Variants in UNC5B observed in about 807,000 individuals in gnomAD.
The protein encoded by UNC5B is unc-5 netrin receptor B, also known as netrin receptor UNC5B.
In UNC5B, 56 loss-of-function variants were observed where a neutral mutation model predicts 103.7. The observed-to-expected ratio is 0.54, with a 90% CI of 0.44 to 0.67. The LOEUF (loss-of-function observed/expected upper bound fraction) is 0.67, where lower values mean the gene tolerates loss of function less well. UNC5B is among the 30% of genes least tolerant of loss of function. UNC5B has a pLI of 0.00. For synonymous variants in UNC5B, 577 were observed against 542.0 expected, an observed-to-expected ratio of 1.06 and a Z score of -0.90; for missense variants, 1,194 against 1,284.5, an observed-to-expected ratio of 0.93 and a Z score of 1.08.
At chr10:71,237,293 G>T (rs927146443) in intron 1 of UNC5B, among the ~76,000 whole-genome samples, 1 of 152,202 alleles carries the variant, frequency 6.6e-6, no homozygotes, top group African/African-American at 2.4e-5. Flanking sequence ...TCCAAACCAC[G>T]TGTTCCTGGA....
intron 6 of UNC5B, among the ~76,000 whole-genome samples, 166 bp from the exon 7 acceptor site, chr10:71,288,402 T>C (rs557943154): frequency 2.9e-4 from 44 of 152,370 alleles, no homozygotes; most frequent in African/African-American, 1.1e-3. Flanking sequence ...GTTATGTGGA[T>C]ATCATGTGGA....
intron 1 of UNC5B, among the ~76,000 whole-genome samples, chr10:71,215,737 T>G (rs1334389322): frequency 6.6e-6 from 1 of 151,686 alleles, no homozygotes; most frequent in Non-Finnish European, 1.5e-5. Context: ...TGAGAAGGAG[T>G]CGAGGTGTCA....
At chr10:71,241,056 G>A (rs946826089) in intron 1 of UNC5B, among the ~76,000 whole-genome samples, 4 of 152,214 alleles carry the variant, frequency 2.6e-5, no homozygotes, top group Non-Finnish European at 5.9e-5. Flanking sequence ...CCAGGAACTG[G>A]TCAGATCACT....
chr10:71,296,668 C>A lies in UNC5B; in HGVS notation c.2416C>A (p.Leu806Ile), dbSNP rs147300714. The change falls in exon 15 of 17, where the codon CTC (leucine) becomes ATC (isoleucine). Residue 806 changes from leucine (L) to isoleucine (I), a missense_variant. Physicochemically the swap from Leu to Ile is conservative, Grantham distance 5. Coordinates refer to ENST00000335350, the MANE Select transcript of UNC5B (RefSeq NM_170744.5). Reference protein sequence around the residue: ...LERHSLASTELTCKICVRQVE... With the variant: ...LERHSLASTEITCKICVRQVE... ...GAGGCACAGCTTGGCCTCCACAGAG[C>A]TCACCTGCAAGATCTGCGTGCGGCA... 8 of 1,614,052 alleles carry A rather than the reference C, an allele frequency of 5.0e-6. No homozygotes were observed. Among genetic ancestry groups the A allele is most frequent in the African/African-American group, 1.3e-5 (1 of 74,940 alleles).
At chr10:71,225,483 A>G (rs548106994) in intron 1 of UNC5B, among the ~76,000 whole-genome samples, 205 of 152,072 alleles carry the variant, frequency 1.3e-3, no homozygotes, top group Non-Finnish European at 2.5e-3. Context: ...CCCTGACCCC[A>G]TTGCACACCC....
rs140380290 is a variant in UNC5B at position 71,218,862 on chromosome 10, C to T, written c.79+5798C>T. Among the ~76,000 whole-genome samples the T allele has an allele frequency of 1.1e-3, 162 of 152,328 alleles. 2 individuals carry two copies. The East Asian group carries it at 0.028, about 26-fold the overall frequency. On this transcript the variant is annotated intron_variant, in intron 1 of 16. Coordinates refer to ENST00000335350, the MANE Select transcript of UNC5B (RefSeq NM_170744.5). ...GCAGAGCTTGAGTGGGTGGGATCCCCAGTGGAGAACCCCATCTCAGGCTGA... is the reference window on the plus strand; with the variant it reads ...GCAGAGCTTGAGTGGGTGGGATCCCTAGTGGAGAACCCCATCTCAGGCTGA...
intron 4 of UNC5B, among the ~76,000 whole-genome samples, chr10:71,285,849 G>T (rs1845065318): frequency 6.6e-6 from 1 of 152,184 alleles, no homozygotes; most frequent in Non-Finnish European, 1.5e-5. Context: ...TTGGATTGCT[G>T]TCCTCTCTCG....
intron 11 of UNC5B, 94 bp downstream of exon 11, chr10:71,292,648 C>G: frequency 9.6e-7 from 1 of 1,041,492 alleles, no homozygotes; most frequent in Non-Finnish European, 1.4e-6. Context: ...ATGCCAAGAC[C>G]AAACAGTCCT....
chr10:71,277,094 C>T (rs1461266618), intron 1 of UNC5B, among the ~76,000 whole-genome samples: 1 of 152,226 alleles, frequency 6.6e-6, no homozygotes, highest in African/African-American at 2.4e-5. Context: ...TGTTTGCTTT[C>T]CTCAGTCATG....
chr10:71,299,043 C>G, intron 16 of UNC5B, 69 bp from the exon 17 acceptor site: 1 of 1,588,190 alleles, frequency 6.3e-7, no homozygotes, highest in Non-Finnish European at 8.6e-7. Flanking sequence ...CCCTTGTGCC[C>G]CTTCACCTCC....
At chr10:71,250,170 A>G (rs1158162337) in intron 1 of UNC5B, among the ~76,000 whole-genome samples, 1 of 152,208 alleles carries the variant, frequency 6.6e-6, no homozygotes, top group African/African-American at 2.4e-5. Context: ...GTGGTGCCCC[A>G]GGCCCTGCTC....
At chr10:71,273,426 C>T (rs767582659) in intron 1 of UNC5B, among the ~76,000 whole-genome samples, 35 of 152,224 alleles carry the variant, frequency 2.3e-4, no homozygotes, top group Non-Finnish European at 4.1e-4. Flanking sequence ...AGGGCCACAG[C>T]ACTCCTCTGG....
At chr10:71,282,899 G>A (rs985229569) in intron 2 of UNC5B, among the ~76,000 whole-genome samples, 6 of 151,978 alleles carry the variant, frequency 3.9e-5, no homozygotes, top group African/African-American at 7.3e-5. Flanking sequence ...GGCAATTCAC[G>A]AGGTCAGGAG....
chr10:71,217,706 C>T (rs1564702856), intron 1 of UNC5B: 1 of 152,322 alleles, frequency 6.6e-6, no homozygotes. Flanking sequence ...CCACCCCCAC[C>T]CCTTTTGTTT....
At chr10:71,241,047 C>A (rs913954202) in intron 1 of UNC5B, among the ~76,000 whole-genome samples, 1 of 152,212 alleles carries the variant, frequency 6.6e-6, no homozygotes, top group African/African-American at 2.4e-5. Context: ...ACATGTATGC[C>A]AGGAACTGGT....
Position 71,302,123 on chromosome 10 carries a change from C to T in UNC5B, c.*2846C>T, listed in dbSNP as rs562018844. On this transcript the variant is annotated 3_prime_UTR_variant, in exon 17 of 17. Transcript: ENST00000335350. ...CCATCCGTCTGTGGAGGCTGCCTGC[C>T]TCCGGGGTGGGATGGGTGGTTTCTC... 7.2e-5 allele frequency: 11 copies of T among 152,374 alleles called. No homozygotes were observed. In the South Asian group the frequency reaches 1.0e-3, roughly 14 times the overall value. 9.4% of individuals were successfully genotyped at this position (152,374 alleles called of 1,614,324 possible).
intron 1 of UNC5B, among the ~76,000 whole-genome samples, chr10:71,259,266 G>A (rs1218954167): frequency 6.6e-6 from 1 of 151,924 alleles, no homozygotes; most frequent in African/African-American, 2.4e-5. Context: ...GTGTGTGCCT[G>A]TAATTCCAGC....
chr10:71,254,071 G>A (rs571608165), intron 1 of UNC5B, among the ~76,000 whole-genome samples: 63 of 152,280 alleles, frequency 4.1e-4, no homozygotes, highest in African/African-American at 1.1e-3. Flanking sequence ...TGAGCTCAAC[G>A]TCACATCAAG....
intron 1 of UNC5B, among the ~76,000 whole-genome samples, chr10:71,247,463 C>T (rs1432382582): frequency 6.6e-6 from 1 of 152,244 alleles, no homozygotes; most frequent in African/African-American, 2.4e-5. Flanking sequence ...GGTGATTCAG[C>T]AGGCCTGGCT....
Sources: gnomAD v4.1 joint callset for allele counts (sites outside exome capture counted in the v4.1 genomes callset) on GRCh38, gnomAD v4.1.1 for gene constraint, MANE v1.5 for transcripts, NCBI Gene and HGNC (gene_info 2026-07-23, HGNC 2026-07-21) for gene names.